The following ADAM10 variants were observed in gnomAD, a reference collection of about 807,000 sequenced individuals.
ADAM10 encodes ADAM metallopeptidase domain 10, also known as disintegrin and metalloproteinase domain-containing protein 10.
Under a neutral mutation model 90.1 loss-of-function variants are expected in ADAM10, and 17 were observed. The observed-to-expected ratio is 0.19, with a 90% confidence interval of 0.13 to 0.28. The LOEUF is 0.28. ADAM10 is among the 10% of genes least tolerant of loss of function. ADAM10 has a pLI of 1.00. For missense variants in ADAM10, 610 were observed against 914.3 expected (o/e 0.67, Z 4.29); for synonymous variants, 310 against 298.6 (o/e 1.04, Z -0.40).
chr15:58,660,832 T>C (rs190225098), intron 5 of ADAM10, among the ~76,000 whole-genome samples: 4 of 152,394 alleles, frequency 2.6e-5, no homozygotes, highest in Admixed American at 2.0e-4. Context: ...ATTTAGACTT[T>C]TGAACAACAT....
At chr15:58,692,637 A>T (rs1193743341) in intron 2 of ADAM10, 1 of 559,562 alleles carries the variant, frequency 1.8e-6, no homozygotes, top group Non-Finnish European at 3.6e-6. Flanking sequence ...ACTCTGTCTG[A>T]TCTTCTTTAA....
intron 2 of ADAM10, among the ~76,000 whole-genome samples, chr15:58,696,480 C>A (rs55931809): frequency 6.9e-6 from 1 of 145,382 alleles, no homozygotes; most frequent in Admixed American, 6.8e-5. Flanking sequence ...TTTTTTTTTT[C>A]CCAAGATGAG....
At chr15:58,657,658 G>A (rs1311564202) in intron 5 of ADAM10, among the ~76,000 whole-genome samples, 6 of 152,144 alleles carry the variant, frequency 3.9e-5, no homozygotes, top group African/African-American at 9.7e-5. Context: ...CTATCTGAAA[G>A]GTCACCTATC....
chr15:58,663,595 C>A (rs1332299444), intron 5 of ADAM10, among the ~76,000 whole-genome samples: 3 of 152,048 alleles, frequency 2.0e-5, no homozygotes, highest in Non-Finnish European at 4.4e-5. Flanking sequence ...TGTGAATAAG[C>A]CTGTTGTAAT....
intron 2 of ADAM10, chr15:58,691,734 G>A (rs1012502273): frequency 2.4e-5 from 8 of 331,560 alleles, no homozygotes; most frequent in Admixed American, 9.4e-5. Context: ...CCCAGGCTTA[G>A]TGCAGTGGCA....
At chr15:58,687,105 G>A (rs55830436) in intron 2 of ADAM10, among the ~76,000 whole-genome samples, 2 of 152,182 alleles carry the variant, frequency 1.3e-5, no homozygotes, top group African/African-American at 4.8e-5. Context: ...ATGAAGACCA[G>A]AAAGTACAAA....
Position 58,597,200 on chromosome 15 carries a change from G to GT in ADAM10, c.*346dup. The GT allele has an allele frequency of 1.6e-6, 1 of 625,230 alleles. No individual in the cohort carries two copies. The highest frequency in any genetic ancestry group is 2.7e-6 in the Non-Finnish European group (1 of 371,302). The allele number at this position is 625,230 out of a possible 1,614,324, so 38.7% of individuals were successfully genotyped here. A position where few individuals can be genotyped will look rare whatever the true frequency, so the allele number is the denominator to read the frequency against. The stretch of plus-strand genomic sequence containing the variant: ...AAAAATATATTTATTTCAATTTGTG[G>GT]TAAAAGTTTATTGAGAGCCAAGTTT... On this transcript the variant is annotated 3_prime_UTR_variant, in exon 16 of 16. Transcript: ENST00000260408.
At chr15:58,717,367 AT>A (rs1381998886) in intron 2 of ADAM10, among the ~76,000 whole-genome samples, 1 of 152,236 alleles carries the variant, frequency 6.6e-6, no homozygotes, top group African/African-American at 2.4e-5. Context: ...ATTCAAAAAC[AT>A]TTAAATTTGA....
At chr15:58,691,281 TC>T in intron 2 of ADAM10, 2 of 1,248,080 alleles carry the variant, frequency 1.6e-6, no homozygotes, top group Non-Finnish European at 1.2e-6. Context: ...CTCCAGACCC[TC>T]CTTGGTAACT....
At chr15:58,717,537 T>A (rs113312305) in intron 2 of ADAM10, 40 bp downstream of exon 2, 1 of 1,611,142 alleles carries the variant, frequency 6.2e-7, no homozygotes, top group South Asian at 1.1e-5. Flanking sequence ...AGATTGAATA[T>A]AGAGGAACTT....
chr15:58,689,482 T>C (rs866994514), intron 2 of ADAM10, among the ~76,000 whole-genome samples: 1 of 151,976 alleles, frequency 6.6e-6, no homozygotes, highest in Non-Finnish European at 1.5e-5. Context: ...CAAGACTCTG[T>C]CTCCACAAAA....
At chr15:58,598,745 T>C (rs933226106) in intron 15 of ADAM10, among the ~76,000 whole-genome samples, 4 of 152,206 alleles carry the variant, frequency 2.6e-5, no homozygotes, top group Admixed American at 2.6e-4. Context: ...CAGAGGGAAC[T>C]AAACAATACG....
In ADAM10 at chr15:58,594,970, G is replaced by A. The variant is rs1251615989; in HGVS notation, c.*2577C>T. ...TCTGGGCTTACAATTCCTTTTCTAG[G>A]TAACACTGAAATGTCAATTCTCTCC... On this transcript the variant is annotated 3_prime_UTR_variant, in exon 16 of 16. Coordinates refer to ENST00000260408, the MANE Select transcript of ADAM10 (RefSeq NM_001110.4). 6.6e-6 allele frequency: 1 copy of A among 152,102 alleles called. No individual in the cohort carries two copies. Among genetic ancestry groups the A allele is most frequent in the South Asian group, 2.1e-4 (1 of 4,826 alleles). The allele number at this position is 152,102 out of a possible 1,614,324, so 9.4% of individuals were successfully genotyped here.
intron 7 of ADAM10, among the ~76,000 whole-genome samples, chr15:58,641,886 C>G (rs544939819): frequency 6.6e-6 from 1 of 152,146 alleles, no homozygotes; most frequent in Non-Finnish European, 1.5e-5. Flanking sequence ...AGCTACAGGT[C>G]TCTTTATGAC....
chr15:58,622,405 T>C (rs1895812306), intron 10 of ADAM10, among the ~76,000 whole-genome samples: 1 of 152,252 alleles, frequency 6.6e-6, no homozygotes. Flanking sequence ...GGTTGCTTTT[T>C]GACAGGTCTC....
intron 2 of ADAM10, among the ~76,000 whole-genome samples, chr15:58,713,491 G>A (rs1449207372): frequency 6.6e-6 from 1 of 152,124 alleles, no homozygotes; most frequent in East Asian, 1.9e-4. Context: ...AAGTTCACAA[G>A]GAGTAGAGGA....
chr15:58,658,808 T>C (rs977740905), intron 5 of ADAM10, among the ~76,000 whole-genome samples: 8 of 152,246 alleles, frequency 5.3e-5, no homozygotes, highest in African/African-American at 1.4e-4. Flanking sequence ...CGACTGATTA[T>C]ACCAACTTTT....
At position 58,592,781 on chromosome 15, in the gene ADAM10, G is replaced by A. The variant is rs1894851388; in HGVS notation, c.*4766C>T. On this transcript the variant is annotated 3_prime_UTR_variant, in exon 16 of 16. Coordinates refer to ENST00000260408, the MANE Select transcript of ADAM10 (RefSeq NM_001110.4). Reference sequence around the variant, plus strand: ...TATATATATATATATATTAAATCGTGGTAGTATAACTTGGTACATCTATCT... The same window carrying A: ...TATATATATATATATATTAAATCGTAGTAGTATAACTTGGTACATCTATCT... 6.7e-6 allele frequency: 1 copy of A among 149,936 alleles called. No homozygotes were observed. Among genetic ancestry groups the A allele is most frequent in the South Asian group, 2.1e-4 (1 of 4,814 alleles). The allele number at this position is 149,936 out of a possible 1,614,324, so 9.3% of individuals were successfully genotyped here. A position where few individuals can be genotyped will look rare whatever the true frequency, so the allele number is the denominator to read the frequency against.
intron 2 of ADAM10, among the ~76,000 whole-genome samples, chr15:58,688,161 G>A (rs1362377304): frequency 6.6e-6 from 1 of 152,068 alleles, no homozygotes; most frequent in African/African-American, 2.4e-5. Flanking sequence ...GGAGACTGGG[G>A]GAAAGATGTC....
Sources: gnomAD v4.1 joint callset for allele counts (sites outside exome capture counted in the v4.1 genomes callset) on GRCh38, gnomAD v4.1.1 for gene constraint, MANE v1.5 for transcripts, NCBI Gene and HGNC (gene_info 2026-07-23, HGNC 2026-07-21) for gene names.